CNOT6: variants seen among roughly 807,000 people sequenced by gnomAD.
The protein encoded by CNOT6 is carbon catabolite repression 4 protein.
CNOT6 carries 12 observed loss-of-function variants against 61.2 expected under a neutral mutation model. The ratio of observed to expected loss-of-function variants is 0.20; its 90% CI spans 0.13 to 0.32. The LOEUF is 0.32. Among genes scored for constraint, CNOT6 ranks in the 10% least tolerant of loss-of-function variants. CNOT6 has a pLI of 1.00. For missense variants in CNOT6, 405 were observed against 663.9 expected, an observed-to-expected ratio of 0.61 and a Z score of 4.28; for synonymous variants, 225 against 240.6, an observed-to-expected ratio of 0.94 and a Z score of 0.60.
At chr5:180,504,038 A>G (rs1028710644) in intron 1 of CNOT6, among the ~76,000 whole-genome samples, 1 of 152,234 alleles carries the variant, frequency 6.6e-6, no homozygotes, top group African/African-American at 2.4e-5. Context: ...TCATGTTGAC[A>G]TAATAGTACT....
intron 1 of CNOT6, among the ~76,000 whole-genome samples, chr5:180,511,635 C>T (rs1207890152): frequency 1.3e-5 from 2 of 151,690 alleles, no homozygotes; most frequent in South Asian, 2.1e-4. Flanking sequence ...GTGTGGTGGC[C>T]TGCACCTGTA....
At chr5:180,517,438 A>G (rs1581487446) in intron 1 of CNOT6, among the ~76,000 whole-genome samples, 1 of 151,854 alleles carries the variant, frequency 6.6e-6, no homozygotes, top group Admixed American at 6.6e-5. Context: ...CGTTTTTATA[A>G]TCCTTGAATA....
In CNOT6 at chr5:180,573,576, TGTGTGTGTGTGTGTGTGTGTGTGTGTCC is replaced by T. The variant is rs1318595861; in HGVS notation, c.1462-409_1462-382del. 4.1e-3 allele frequency among the ~76,000 whole-genome samples: 127 copies of T among 30,700 alleles called. 1 individual carries two copies. Among genetic ancestry groups the T allele is most frequent in the Admixed American group, 0.014 (34 of 2,390 alleles). The allele number at this position is 30,700 out of a possible 152,430, so 20.1% of individuals were successfully genotyped here. ...CAGTGTGTGTGTGTGTGTGTGTGTG[TGTGTGTGTGTGTGTGTGTGTGTGTGTCC>T]GTCCGTCCGTCCGTCCTGGGGCAGG... On this transcript the variant is annotated intron_variant, in intron 11 of 11. Transcript: ENST00000261951.
intron 3 of CNOT6, among the ~76,000 whole-genome samples, chr5:180,552,161 G>A (rs1435049394): frequency 6.6e-6 from 1 of 151,650 alleles, no homozygotes; most frequent in Non-Finnish European, 1.5e-5. Context: ...GAGCCACCGT[G>A]CCCAGCCCGA....
chr5:180,522,867 C>A (rs1344478794), intron 1 of CNOT6, among the ~76,000 whole-genome samples: 1 of 152,200 alleles, frequency 6.6e-6, no homozygotes, highest in Non-Finnish European at 1.5e-5. Flanking sequence ...CATCTGTATA[C>A]TTTACCATAT....
In CNOT6 at chr5:180,567,978, T is replaced by A. The variant is rs200912651; in HGVS notation, c.1002T>A (p.Leu334=). ...TTGGGGTTGCAGTACTGCTAGAACT[T>A]CGGAAGGAATCGATTGAAATGCCGT... ...DNIGVAVLLE[L]RKESIEMPSG... Residue 334 remains leucine, a synonymous_variant, in exon 9 of 12, where the codon CTT becomes CTA. Coordinates refer to ENST00000261951, the MANE Select transcript of CNOT6 (RefSeq NM_001370472.1). 1.2e-6 allele frequency: 2 copies of A among 1,609,156 alleles called. No individual in the cohort carries two copies. The highest frequency in any genetic ancestry group is 3.3e-5 in the Admixed American group (2 of 59,900).
chr5:180,548,956 A>G (rs1234829466), intron 2 of CNOT6, among the ~76,000 whole-genome samples: 6 of 152,204 alleles, frequency 3.9e-5, no homozygotes, highest in African/African-American at 9.6e-5. Context: ...GAAGTGTCAA[A>G]GTGCAGATTT....
chr5:180,573,416 T>C (rs1033027661), intron 11 of CNOT6, among the ~76,000 whole-genome samples: 1 of 151,536 alleles, frequency 6.6e-6, no homozygotes, highest in African/African-American at 2.4e-5. Context: ...TGGTGAGAGG[T>C]AGGGTAGTAA....
rs1431484679 is a variant in CNOT6, at chr5:180,535,771, A to G, written c.112+6383A>G. Among the ~76,000 whole-genome samples the G allele has an allele frequency of 2.6e-5, 4 of 152,150 alleles. No homozygotes were observed. In the East Asian group the frequency reaches 7.7e-4, roughly 29 times the overall value. On this transcript the variant is annotated intron_variant, in intron 2 of 11. Coordinates refer to ENST00000261951, the MANE Select transcript of CNOT6 (RefSeq NM_001370472.1). ...AGTTGTACTAATTTACATTCCCACC[A>G]ACAGTGTTCAAGCGTTCCTTTTTCT...
At chr5:180,526,304 C>T (rs1233385723) in intron 1 of CNOT6, among the ~76,000 whole-genome samples, 1 of 152,066 alleles carries the variant, frequency 6.6e-6, no homozygotes, top group African/African-American at 2.4e-5. Context: ...TATATGTGTG[C>T]TGAAGGTAAA....
intron 1 of CNOT6, among the ~76,000 whole-genome samples, 184 bp downstream of exon 1, chr5:180,494,947 G>A (rs1028019029): frequency 1.3e-5 from 2 of 151,662 alleles, no homozygotes; most frequent in Non-Finnish European, 2.9e-5. Context: ...GCCCCGCCCC[G>A]GGCCGCGCCC....
At chr5:180,525,729 T>C (rs1428604260) in intron 1 of CNOT6, among the ~76,000 whole-genome samples, 1 of 151,972 alleles carries the variant, frequency 6.6e-6, no homozygotes, top group Non-Finnish European at 1.5e-5. Context: ...TAATTGCAAC[T>C]CTGCAGGAAG....
intron 2 of CNOT6, among the ~76,000 whole-genome samples, chr5:180,547,390 G>T (rs189457399): frequency 0.019 from 2,870 of 151,906 alleles, 37 homozygotes; most frequent in Non-Finnish European, 0.027. Flanking sequence ...CGTGGTGGCG[G>T]GCGCCTGTAA....
At chr5:180,513,673 T>TTTTATTTA (rs137914888) in intron 1 of CNOT6, among the ~76,000 whole-genome samples, 5 of 147,040 alleles carry the variant, frequency 3.4e-5, no homozygotes, top group African/African-American at 1.3e-4. Context: ...TGCCTGGCCC[T>TTTTATTTA]TTTATTTATT....
chr5:180,564,676 T>G lies in CNOT6; in HGVS notation c.492T>G (p.Ile164Met). 6.2e-7 allele frequency: 1 copy of G among 1,613,820 alleles called. No individual in the cohort carries two copies. Among genetic ancestry groups the G allele is most frequent in the East Asian group, 2.2e-5 (1 of 44,868 alleles). Reference sequence around the variant, plus strand: ...ATTCTGTATTTTCTATTCAACTAGTTACAACAGAACAACCACCTCCAAGGT... The same window carrying G: ...ATTCTGTATTTTCTATTCAACTAGTGACAACAGAACAACCACCTCCAAGGT... Reference protein sequence around the residue: ...LDNLSGTAKRITTEQPPPRSW... With the variant: ...LDNLSGTAKRMTTEQPPPRSW... Residue 164 changes from isoleucine (I) to methionine (M), a missense_variant and splice_region_variant, in exon 6 of 12, where the codon ATT (isoleucine) becomes ATG (methionine). By Grantham distance (10) the Ile-to-Met change is conservative (BLOSUM62 1). Around this residue, in one of 5 missense-constraint regions of CNOT6, gnomAD observed 212 missense variants for 307.1 expected, o/e 0.69. Transcript: ENST00000261951.
At chr5:180,532,426 A>G (rs1434976189) in intron 2 of CNOT6, among the ~76,000 whole-genome samples, 3 of 152,088 alleles carry the variant, frequency 2.0e-5, no homozygotes, top group Admixed American at 1.3e-4. Context: ...CTCCTTGGTG[A>G]CTTTGAGTCA....
intron 1 of CNOT6, among the ~76,000 whole-genome samples, chr5:180,519,471 C>T (rs1461024910): frequency 1.2e-4 from 19 of 152,140 alleles, no homozygotes; most frequent in Admixed American, 1.2e-3. Flanking sequence ...AGTAATTGCT[C>T]ATCTGGAAAA....
At chr5:180,503,601 C>CTTT (rs56187510) in intron 1 of CNOT6, among the ~76,000 whole-genome samples, 8,678 of 66,140 alleles carry the variant, frequency 0.13, 805 homozygotes, top group Non-Finnish European at 0.17. Context: ...GCCCTACTTC[C>CTTT]TTTTTTTTTT....
intron 3 of CNOT6, among the ~76,000 whole-genome samples, chr5:180,552,384 A>T (rs1418084022): frequency 6.7e-6 from 1 of 149,972 alleles, no homozygotes; most frequent in Non-Finnish European, 1.5e-5. Context: ...TCAAGCCTAT[A>T]ATCCCAGCAC....
Sources: allele counts gnomAD v4.1 joint callset (sites outside exome capture counted in the v4.1 genomes callset), GRCh38; gene constraint gnomAD v4.1.1; regional missense constraint gnomAD v4.1.1; transcripts MANE v1.5; gene names NCBI Gene and HGNC (gene_info 2026-07-23, HGNC 2026-07-21).